Variants in NACC2 observed in about 807,000 individuals in gnomAD.
The protein encoded by NACC2 is nucleus accumbens-associated protein 2.
A neutral mutation model predicts 25.1 loss-of-function variants in NACC2; 8 were observed. The ratio of observed to expected loss-of-function variants is 0.32; its 90% CI spans 0.19 to 0.57. The LOEUF (loss-of-function observed/expected upper bound fraction) is 0.57. Among genes scored for constraint, NACC2 ranks in the 20% least tolerant of loss-of-function variants. The probability of loss-of-function intolerance (pLI) is 0.89; values close to 1 mark genes in which losing one functional copy is unlikely to be tolerated. For missense variants in NACC2, 644 were observed against 650.2 expected, an observed-to-expected ratio of 0.99 and a Z score of 0.10; for synonymous variants, 435 against 294.7, an observed-to-expected ratio of 1.48 and a Z score of -4.88.
chr9:136,028,583 G>A (rs563815057), intron 2 of NACC2, among the ~76,000 whole-genome samples: 5 of 152,260 alleles, frequency 3.3e-5, no homozygotes, highest in Admixed American at 6.5e-5. Context: ...TGGGTGAGGC[G>A]TGGCCAGGGC....
At chr9:136,054,781 G>C (rs1840899854) in intron 1 of NACC2, among the ~76,000 whole-genome samples, 1 of 152,072 alleles carries the variant, frequency 6.6e-6, no homozygotes, top group Non-Finnish European at 1.5e-5. Flanking sequence ...TTCACTTATG[G>C]AAAGTTCTGC....
At chr9:136,063,107 CTG>C (rs1168204364) in intron 1 of NACC2, among the ~76,000 whole-genome samples, 2 of 152,178 alleles carry the variant, frequency 1.3e-5, no homozygotes, top group African/African-American at 4.8e-5. Flanking sequence ...GGGACTGTTT[CTG>C]TGTCTGGTTG....
intron 1 of NACC2, among the ~76,000 whole-genome samples, chr9:136,063,400 C>G (rs871095): frequency 6.6e-6 from 1 of 152,038 alleles, no homozygotes; most frequent in African/African-American, 2.4e-5. Flanking sequence ...AAAGAGGTCA[C>G]GTACATTGCA....
intron 1 of NACC2, among the ~76,000 whole-genome samples, chr9:136,053,560 C>A (rs1051873098): frequency 3.9e-5 from 6 of 152,304 alleles, no homozygotes; most frequent in African/African-American, 1.4e-4. Context: ...GGAAGTCTGC[C>A]AAGTGCCCTC....
Position 136,052,770 on chromosome 9 carries a change from C to G in NACC2, c.-59-2190G>C, listed in dbSNP as rs887768168. Among the ~76,000 whole-genome samples, 151 of 152,374 alleles carry G rather than the reference C, an allele frequency of 9.9e-4. 1 individual carries two copies. Among genetic ancestry groups the G allele is most frequent in the Non-Finnish European group, 1.8e-3 (123 of 68,044 alleles). ...GGCCGCCTCGCTCCTCCCGCACACT[C>G]CTGGCTGCGGCCACACAGGCTGCAC... On this transcript the variant is annotated intron_variant, in intron 1 of 5. Coordinates refer to ENST00000277554, the MANE Select transcript of NACC2 (RefSeq NM_144653.5).
chr9:136,064,231 G>A (rs2131173203), intron 1 of NACC2, among the ~76,000 whole-genome samples: 1 of 152,302 alleles, frequency 6.6e-6, no homozygotes, highest in African/African-American at 2.4e-5. Flanking sequence ...CGAGGCTGCA[G>A]TGAACTATGA....
At chr9:136,044,314 G>C in intron 2 of NACC2, among the ~76,000 whole-genome samples, 1 of 152,112 alleles carries the variant, frequency 6.6e-6, no homozygotes, top group Non-Finnish European at 1.5e-5. Context: ...CCAGGAATTC[G>C]AGGCCACCTG....
intron 1 of NACC2, 84 bp from the exon 2 acceptor site, chr9:136,050,664 C>A: frequency 1.5e-6 from 1 of 649,902 alleles, no homozygotes; most frequent in Admixed American, 2.3e-5. Flanking sequence ...CCTCCTCCCC[C>A]GCCGGGGGCT....
chr9:136,022,719 G>A lies in NACC2; in HGVS notation c.887-6290C>T, dbSNP rs1266282193. On this transcript the variant is annotated intron_variant, in intron 2 of 5. Transcript: ENST00000277554. This position sits in a 1 kb window ranked among gnomAD's most constrained non-coding sequence, Gnocchi z 4.4. ...GGCCCATCAACTACCAGTGCTGGCT[G>A]GGGCAGTGCCTCTGTCATCCTCCAG... 6.6e-6 allele frequency among the ~76,000 whole-genome samples: 1 copy of A among 152,076 alleles called. No homozygotes were observed. Among genetic ancestry groups the A allele is most frequent in the Admixed American group, 6.5e-5 (1 of 15,278 alleles).
intron 2 of NACC2, among the ~76,000 whole-genome samples, chr9:136,034,484 C>T (rs1013541765): frequency 2.3e-4 from 35 of 152,224 alleles, no homozygotes; most frequent in Non-Finnish European, 3.5e-4. Context: ...ATTCCTAGCT[C>T]TGACTGCTAA....
intron 1 of NACC2, among the ~76,000 whole-genome samples, chr9:136,057,837 C>G (rs1184323209): frequency 1.3e-5 from 2 of 152,166 alleles, no homozygotes; most frequent in South Asian, 4.1e-4. Context: ...GTTGTGGAAG[C>G]GGTCGGATCC....
At chr9:136,041,039 A>AAAGGAAGG in intron 2 of NACC2, among the ~76,000 whole-genome samples, 1 of 150,300 alleles carries the variant, frequency 6.7e-6, no homozygotes, top group Admixed American at 6.6e-5. Flanking sequence ...GAAGGAAAGA[A>AAAGGAAGG]AAGGAAGGAA....
chr9:136,025,317 T>A (rs936106993), intron 2 of NACC2, among the ~76,000 whole-genome samples: 1 of 152,072 alleles, frequency 6.6e-6, no homozygotes, highest in Non-Finnish European at 1.5e-5. Flanking sequence ...CCTCACCTGT[T>A]TTCACACGAT....
intron 2 of NACC2, among the ~76,000 whole-genome samples, chr9:136,024,664 C>T (rs1033161161): frequency 3.9e-5 from 6 of 152,164 alleles, no homozygotes; most frequent in Non-Finnish European, 5.9e-5. Context: ...ACAGTGAACA[C>T]ACATTAGCTA....
chr9:136,013,167 CCCA>C lies in NACC2; in HGVS notation c.1255+29_1255+31del. On this transcript the variant is annotated intron_variant, in intron 5 of 5. Coordinates refer to ENST00000277554, the MANE Select transcript of NACC2 (RefSeq NM_144653.5). This position sits in a 1 kb window ranked among gnomAD's most constrained non-coding sequence, Gnocchi z 6.6. ...GCTGGGATCTGAACCCAGCCCCGGCCCCACCCACCCGAGAGACCCCCAGGCTCT... is the reference window on the plus strand; with the variant it reads ...GCTGGGATCTGAACCCAGCCCCGGCCCCCACCCGAGAGACCCCCAGGCTCT... 1 of 841,298 alleles carries C rather than the reference CCCA, an allele frequency of 1.2e-6. No homozygotes were observed. Among genetic ancestry groups the C allele is most frequent in the Non-Finnish European group, 2.0e-6 (1 of 497,326 alleles). The allele number at this position is 841,298 out of a possible 1,614,324, so 52.1% of individuals were successfully genotyped here.
At chr9:136,049,036 G>A (rs768971029) in intron 2 of NACC2, among the ~76,000 whole-genome samples, 53,866 of 152,204 alleles carry the variant, frequency 0.35, 10,393 homozygotes, top group Non-Finnish European at 0.44. Context: ...AGCAAAGCCT[G>A]AACAGTCTCC....
chr9:136,048,468 C>G (rs1564230124), intron 2 of NACC2, among the ~76,000 whole-genome samples: 1 of 152,228 alleles, frequency 6.6e-6, no homozygotes, highest in Non-Finnish European at 1.5e-5. Flanking sequence ...AGCCCTACCC[C>G]CTACCACTAA....
At chr9:136,038,397 G>A (rs1840584806) in intron 2 of NACC2, among the ~76,000 whole-genome samples, 1 of 152,162 alleles carries the variant, frequency 6.6e-6, no homozygotes, top group Admixed American at 6.5e-5. Context: ...AAAATTAGCT[G>A]GGTGTGGTGG....
At chr9:136,044,332 T>C (rs1840687336) in intron 2 of NACC2, among the ~76,000 whole-genome samples, 1 of 152,090 alleles carries the variant, frequency 6.6e-6, no homozygotes, top group Non-Finnish European at 1.5e-5. Context: ...CTGGACAATA[T>C]AGCGAGACCC....
Sources: allele counts gnomAD v4.1 joint callset (sites outside exome capture counted in the v4.1 genomes callset), GRCh38; gene constraint gnomAD v4.1.1; non-coding constraint Gnocchi (gnomAD v3.1); transcripts MANE v1.5; gene names NCBI Gene and HGNC (gene_info 2026-07-23, HGNC 2026-07-21).